Variants in MDGA2 observed in about 807,000 individuals in gnomAD.
MDGA2 encodes the protein MAM domain containing glycosylphosphatidylinositol anchor 2, also known as MAM domain-containing glycosylphosphatidylinositol anchor protein 2.
A neutral mutation model predicts 117.8 loss-of-function variants in MDGA2; 40 were observed. The ratio of observed to expected loss-of-function variants is 0.34; its 90% CI spans 0.26 to 0.44. The LOEUF (loss-of-function observed/expected upper bound fraction) is 0.44, where lower values mean the gene tolerates loss of function less well. Ranked by LOEUF, MDGA2 falls within the 20% of genes least tolerant of loss-of-function variation. The pLI is 1.00. For missense variants in MDGA2, 1,123 were observed against 1,250.6 expected, an observed-to-expected ratio of 0.90 and a Z score of 1.54; for synonymous variants, 452 against 439.0, an observed-to-expected ratio of 1.03 and a Z score of -0.37.
At chr14:47,453,086 T>A (rs1391456189) in intron 1 of MDGA2, among the ~76,000 whole-genome samples, 1 of 152,072 alleles carries the variant, frequency 6.6e-6, no homozygotes, top group East Asian at 1.9e-4. Context: ...TAATAAAGTT[T>A]AAAGTATTTC....
intron 5 of MDGA2, among the ~76,000 whole-genome samples, chr14:47,129,866 G>C (rs1299463667): frequency 4.0e-5 from 6 of 148,458 alleles, no homozygotes; most frequent in African/African-American, 1.0e-4. Flanking sequence ...TTTTTCATGT[G>C]TTTTTTGGCT....
intron 2 of MDGA2, among the ~76,000 whole-genome samples, chr14:47,232,432 G>T (rs1216885273): frequency 6.6e-6 from 1 of 151,992 alleles, no homozygotes; most frequent in Non-Finnish European, 1.5e-5. Context: ...ACATTTCTCT[G>T]CAGACTTTAT....
intron 1 of MDGA2, among the ~76,000 whole-genome samples, chr14:47,374,900 G>A (rs953930963): frequency 4.6e-5 from 7 of 151,766 alleles, no homozygotes; most frequent in East Asian, 1.9e-4. Context: ...GCTTTGACTC[G>A]ATTTTCTTTA....
chr14:47,174,436 A>G (rs1884337963), intron 3 of MDGA2, among the ~76,000 whole-genome samples: 1 of 152,208 alleles, frequency 6.6e-6, no homozygotes, highest in South Asian at 2.1e-4. Context: ...AACAGAAATT[A>G]TAACAAACTG....
At chr14:47,655,692 T>A (rs1269442317) in intron 1 of MDGA2, among the ~76,000 whole-genome samples, 1 of 152,066 alleles carries the variant, frequency 6.6e-6, no homozygotes, top group Non-Finnish European at 1.5e-5. Context: ...ACTTTCCCCA[T>A]CAATAAGAAG....
intron 7 of MDGA2, among the ~76,000 whole-genome samples, chr14:47,045,274 A>G (rs865963917): frequency 4.6e-5 from 7 of 152,190 alleles, no homozygotes; most frequent in African/African-American, 1.7e-4. Flanking sequence ...CTAAGATTTC[A>G]AGTATCTTGA....
intron 3 of MDGA2, among the ~76,000 whole-genome samples, chr14:47,185,889 C>T (rs1035635152): frequency 3.3e-5 from 5 of 151,472 alleles, no homozygotes; most frequent in African/African-American, 1.2e-4. Context: ...AAAAAACCCA[C>T]AAATATAGAT....
rs200832089 is a variant in MDGA2, at chr14:47,484,441, G to A, written c.281-182891C>T. ...TGCTAAATTAGTGCTTTAAAAGCAGGGGAAAGATTCATCAGAAGTGCAGAG... is the reference window on the plus strand; with the variant it reads ...TGCTAAATTAGTGCTTTAAAAGCAGAGGAAAGATTCATCAGAAGTGCAGAG... On this transcript the variant is annotated intron_variant, in intron 1 of 16. Coordinates refer to ENST00000399232, the MANE Select transcript of MDGA2 (RefSeq NM_001113498.3). Among the ~76,000 whole-genome samples, 17 of 152,244 alleles carry A rather than the reference G, an allele frequency of 1.1e-4. No individual in the cohort carries two copies. In the South Asian group the frequency reaches 3.5e-3, roughly 32 times the overall value.
chr14:47,538,152 A>T (rs1307637702), intron 1 of MDGA2, among the ~76,000 whole-genome samples: 1 of 152,214 alleles, frequency 6.6e-6, no homozygotes, highest in Non-Finnish European at 1.5e-5. Context: ...CAAATGTATG[A>T]TGTTTCGAAT....
chr14:47,595,311 G>A (rs1048320707), intron 1 of MDGA2, among the ~76,000 whole-genome samples: 1 of 151,830 alleles, frequency 6.6e-6, no homozygotes, highest in Non-Finnish European at 1.5e-5. Context: ...AAGGCGGGCA[G>A]ATTACCTGAG....
chr14:47,505,955 G>A (rs1157989401), intron 1 of MDGA2, among the ~76,000 whole-genome samples: 1 of 152,118 alleles, frequency 6.6e-6, no homozygotes, highest in Non-Finnish European at 1.5e-5. Flanking sequence ...AGTGAAGTAG[G>A]AGAAAATTAT....
chr14:47,373,394 AT>A (rs925464932), intron 1 of MDGA2, among the ~76,000 whole-genome samples: 4 of 152,110 alleles, frequency 2.6e-5, no homozygotes, highest in African/African-American at 9.6e-5. Context: ...TATCATCACT[AT>A]TTATACCACC....
At chr14:47,166,492 TTC>T (rs1480357865) in intron 3 of MDGA2, among the ~76,000 whole-genome samples, 1 of 152,204 alleles carries the variant, frequency 6.6e-6, no homozygotes, top group Non-Finnish European at 1.5e-5. Context: ...ATAATTGCAT[TTC>T]TTTCTTTTAA....
intron 1 of MDGA2, among the ~76,000 whole-genome samples, chr14:47,458,153 A>T (rs1052469858): frequency 1.3e-5 from 2 of 151,966 alleles, no homozygotes; most frequent in African/African-American, 2.4e-5. Context: ...GTTGCTACTG[A>T]GTTACACGTG....
intron 1 of MDGA2, among the ~76,000 whole-genome samples, chr14:47,306,842 GGA>G (rs10629208): frequency 0.19 from 27,410 of 146,602 alleles, 2,534 homozygotes; most frequent in South Asian, 0.28. Context: ...AGAGAAAGAG[GGA>G]GAGAGAGAGA....
At chr14:47,513,474 C>T (rs1894685333) in intron 1 of MDGA2, among the ~76,000 whole-genome samples, 1 of 152,058 alleles carries the variant, frequency 6.6e-6, no homozygotes, top group African/African-American at 2.4e-5. Context: ...TTCCTACCCA[C>T]TCATTCATCT....
chr14:47,365,499 C>T (rs1891213163), intron 1 of MDGA2, among the ~76,000 whole-genome samples: 1 of 152,240 alleles, frequency 6.6e-6, no homozygotes, highest in South Asian at 2.1e-4. Context: ...ACTCAGTGGC[C>T]ACGAGCAGTA....
intron 1 of MDGA2, among the ~76,000 whole-genome samples, chr14:47,483,895 C>T (rs538665000): frequency 3.0e-4 from 46 of 152,170 alleles, no homozygotes; most frequent in South Asian, 2.1e-4. Context: ...AGTATTCCCA[C>T]TCCTCAGCAA....
chr14:47,131,967 CT>C (rs573794871), intron 4 of MDGA2, 121 bp from the exon 5 acceptor site: 233 of 763,944 alleles, frequency 3.0e-4, no homozygotes, highest in Non-Finnish European at 3.8e-4. Flanking sequence ...GACAGACTGT[CT>C]TTTTTTAAGG....
Sources: gnomAD v4.1 joint callset for allele counts (sites outside exome capture counted in the v4.1 genomes callset) on GRCh38, gnomAD v4.1.1 for gene constraint, MANE v1.5 for transcripts, NCBI Gene and HGNC (gene_info 2026-07-23, HGNC 2026-07-21) for gene names.